The following RELL1 variants were observed in gnomAD, a reference collection of about 807,000 sequenced individuals.
The protein encoded by RELL1 is RELT like 1.
Under a neutral mutation model 23.0 loss-of-function variants are expected in RELL1, and 10 were observed. The observed-to-expected ratio is 0.43, with a 90% confidence interval of 0.27 to 0.74. The LOEUF is 0.74. Ranked by LOEUF, RELL1 falls within the 30% of genes least tolerant of loss-of-function variation. The probability of loss-of-function intolerance (pLI) is 0.19; values close to 1 mark genes in which losing one functional copy is unlikely to be tolerated. For synonymous variants in RELL1, 146 were observed against 146.8 expected (o/e 0.99, Z 0.04); for missense variants, 315 against 364.4 (o/e 0.86, Z 1.10).
At chr4:37,680,069 T>C (rs1042217495) in intron 1 of RELL1, among the ~76,000 whole-genome samples, 3 of 152,190 alleles carry the variant, frequency 2.0e-5, no homozygotes. Flanking sequence ...GAATTATCCA[T>C]AAAGGATTAC....
intron 1 of RELL1, among the ~76,000 whole-genome samples, chr4:37,655,051 A>G (rs1294613064): frequency 2.6e-5 from 4 of 152,196 alleles, no homozygotes; most frequent in Non-Finnish European, 5.9e-5. Flanking sequence ...AGAGGCTGTT[A>G]GTCATTTGAG....
chr4:37,631,615 A>G, intron 5 of RELL1, 92 bp from the exon 6 acceptor site: 1 of 1,413,120 alleles, frequency 7.1e-7, no homozygotes, highest in Non-Finnish European at 9.7e-7. Flanking sequence ...AGAGGATCTC[A>G]AATGAACTCA....
downstream of RELL1, among the ~76,000 whole-genome samples, chr4:37,606,280 A>C (rs1719221041): frequency 1.3e-5 from 2 of 151,944 alleles, no homozygotes; most frequent in Non-Finnish European, 2.9e-5. The surrounding 1 kb of genome is among the most constrained non-coding windows in gnomAD (Gnocchi z 4.1). Flanking sequence ...AGGAAGGAGA[A>C]AAGTAAAGGA....
chr4:37,674,314 C>T (rs1353897250), intron 1 of RELL1, among the ~76,000 whole-genome samples: 1 of 152,224 alleles, frequency 6.6e-6, no homozygotes, highest in Non-Finnish European at 1.5e-5. Flanking sequence ...TAACTGCACA[C>T]TGTAAAGAAT....
At chr4:37,669,365 G>A (rs1044320435) in intron 1 of RELL1, among the ~76,000 whole-genome samples, 7 of 147,514 alleles carry the variant, frequency 4.7e-5, no homozygotes, top group African/African-American at 5.0e-5. Context: ...GAGGTGGGGG[G>A]GTCAGTCCCC....
intron 1 of RELL1, among the ~76,000 whole-genome samples, chr4:37,680,401 A>G (rs1722176744): frequency 6.6e-6 from 1 of 152,248 alleles, no homozygotes; most frequent in South Asian, 2.1e-4. Flanking sequence ...GCACAGAGGC[A>G]TTCATTGAAA....
chr4:37,649,228 T>G, intron 2 of RELL1, 48 bp downstream of exon 2: 13 of 1,454,428 alleles, frequency 8.9e-6, no homozygotes, highest in Non-Finnish European at 1.2e-5. Context: ...GGTTTCATAT[T>G]TAAAAACTGT....
chr4:37,616,830 C>A (rs1719591797), intron 6 of RELL1, among the ~76,000 whole-genome samples: 1 of 152,220 alleles, frequency 6.6e-6, no homozygotes, highest in Non-Finnish European at 1.5e-5. Flanking sequence ...CCAGGCTCTA[C>A]TGACCATTCT....
chr4:37,642,088 G>A lies in RELL1; in HGVS notation c.386-3584C>T, dbSNP rs375504403. ...CCTACCCTTCAATGTCCAAGTCCCC[G>A]CCCAAAGGGACAGAGGTTGAATAAT... is the stretch of plus-strand genomic sequence containing the variant. On this transcript the variant is annotated intron_variant, in intron 3 of 6. Transcript: ENST00000454158. 1.4e-4 allele frequency among the ~76,000 whole-genome samples: 21 copies of A among 152,194 alleles called. No individual in the cohort carries two copies. In the South Asian group the frequency reaches 2.9e-3, roughly 21 times the overall value.
chr4:37,650,225 A>C (rs1330978362), intron 1 of RELL1, among the ~76,000 whole-genome samples: 1 of 152,232 alleles, frequency 6.6e-6, no homozygotes, highest in South Asian at 2.1e-4. Context: ...CTTACATTCT[A>C]GGAGGATTTA....
chr4:37,669,077 G>C (rs1721667776), intron 1 of RELL1, among the ~76,000 whole-genome samples: 1 of 127,616 alleles, frequency 7.8e-6, no homozygotes, highest in Non-Finnish European at 1.6e-5. Context: ...CCCCCGCCTG[G>C]CCAGCCGCCC....
downstream of RELL1, among the ~76,000 whole-genome samples, chr4:37,608,469 A>G (rs982408140): frequency 6.6e-6 from 1 of 152,124 alleles, no homozygotes; most frequent in African/African-American, 2.4e-5. Context: ...TGGCCTGGAT[A>G]AAAAAATCAA....
chr4:37,649,466 T>C lies in RELL1; in HGVS notation c.123A>G (p.Thr41=). 6.2e-7 allele frequency: 1 copy of C among 1,614,066 alleles called. No homozygotes were observed. Among genetic ancestry groups the C allele is most frequent in the South Asian group, 1.1e-5 (1 of 91,080 alleles). Residue 41 remains threonine, a synonymous_variant, in exon 2 of 7, where the codon ACA becomes ACG. Coordinates refer to ENST00000454158, the MANE Select transcript of RELL1 (RefSeq NM_001085400.2). The part of the protein sequence containing the change: ...NGSSRTLHSR[T]ETTPSPSNDT... ...CGTTGCTGGGCGACGGGGTCGTCTCTGTTCTGGAGTGCAATGTGCGGCTGC... is the reference window on the plus strand; with the variant it reads ...CGTTGCTGGGCGACGGGGTCGTCTCCGTTCTGGAGTGCAATGTGCGGCTGC...
At chr4:37,618,724 A>T (rs73807855) in intron 6 of RELL1, among the ~76,000 whole-genome samples, 137 of 152,340 alleles carry the variant, frequency 9.0e-4, no homozygotes, top group African/African-American at 3.2e-3. Flanking sequence ...TAATTGGAAT[A>T]ATTTGGTCAA....
At chr4:37,592,208 CAAAAAAAAA>C (rs34307749) in intron 6 of RELL1, among the ~76,000 whole-genome samples, 1 of 93,384 alleles carries the variant, frequency 1.1e-5, no homozygotes, top group Non-Finnish European at 2.0e-5. Flanking sequence ...GACTCCATCT[CAAAAAAAAA>C]AAAAAAAAAA....
rs1429847434 is a variant in RELL1, at chr4:37,611,468, T to TA, written c.*1877dup. 5.3e-5 allele frequency among the ~76,000 whole-genome samples: 8 copies of TA among 152,220 alleles called. No individual in the cohort carries two copies. Among genetic ancestry groups the TA allele is most frequent in the African/African-American group, 1.9e-4 (8 of 41,452 alleles). On this transcript the variant is annotated 3_prime_UTR_variant, in exon 7 of 7. Coordinates refer to ENST00000454158, the MANE Select transcript of RELL1 (RefSeq NM_001085400.2). Reference sequence around the variant, plus strand: ...GAAATGTTTAGTTTGATGCTGGAAATAAAATCATTGAAGTCTATGTACAGT... The same window carrying TA: ...GAAATGTTTAGTTTGATGCTGGAAATAAAAATCATTGAAGTCTATGTACAGT...
rs778793049 is a variant in RELL1 at position 37,635,072 on chromosome 4, C to G, written c.495G>C (p.Leu165Phe). ...PGSPPVSPGP[L>F]SPGGTPGKHV... ...GCTTCCCTGGCGTCCCCCCTGGTGA[C>G]AAAGGCCCAGGACTCACTGGCGGGC... Residue 165 changes from leucine to phenylalanine, a missense_variant, in exon 5 of 7, where the codon TTG (leucine) becomes TTC (phenylalanine). Coordinates refer to ENST00000454158, the MANE Select transcript of RELL1 (RefSeq NM_001085400.2). 2 of 1,614,200 alleles carry G rather than the reference C, an allele frequency of 1.2e-6. No individual in the cohort carries two copies. The highest frequency in any genetic ancestry group is 4.5e-5 in the East Asian group (2 of 44,886).
chr4:37,678,871 G>A (rs1039756515), intron 1 of RELL1, among the ~76,000 whole-genome samples: 3 of 152,142 alleles, frequency 2.0e-5, no homozygotes, highest in Non-Finnish European at 4.4e-5. Context: ...TTAGTGGCTG[G>A]AATGCAGTTA....
rs1466794959 is a variant in RELL1, at chr4:37,622,887, C to T, written c.*3+8498G>A. 3 of 448,828 alleles carry T rather than the reference C, an allele frequency of 6.7e-6. No individual in the cohort carries two copies. In the East Asian group the frequency reaches 2.1e-4, roughly 31 times the overall value. 27.8% of individuals were successfully genotyped at this position (448,828 alleles called of 1,614,324 possible). On this transcript the variant is annotated intron_variant, in intron 6 of 6. Transcript: ENST00000454158. ...TGGCATGATCTCGGCTCACGGCAACCTCTGCCTCCCGGGTTCAACTGACTC... is the reference window on the plus strand; with the variant it reads ...TGGCATGATCTCGGCTCACGGCAACTTCTGCCTCCCGGGTTCAACTGACTC...
Sources: gnomAD v4.1 joint callset for allele counts (sites outside exome capture counted in the v4.1 genomes callset) on GRCh38, gnomAD v4.1.1 for gene constraint, Gnocchi (gnomAD v3.1) non-coding constraint, MANE v1.5 for transcripts, NCBI Gene and HGNC (gene_info 2026-07-23, HGNC 2026-07-21) for gene names.